Variants in SMAP1 observed in about 807,000 individuals in gnomAD.
SMAP1 encodes stromal membrane-associated protein 1.
A neutral mutation model predicts 58.5 loss-of-function variants in SMAP1; 24 were observed. The observed-to-expected ratio is 0.41, with a 90% CI of 0.30 to 0.58. The LOEUF (loss-of-function observed/expected upper bound fraction) is 0.58. Among genes scored for constraint, SMAP1 ranks in the 20% least tolerant of loss-of-function variants. SMAP1 has a pLI of 0.29. For synonymous variants in SMAP1, 216 were observed against 196.6 expected (o/e 1.10, Z -0.82); for missense variants, 563 against 566.3 (o/e 0.99, Z 0.06).
intron 1 of SMAP1, among the ~76,000 whole-genome samples, chr6:70,697,728 C>T (rs576357526): frequency 2.0e-4 from 30 of 152,210 alleles, no homozygotes; most frequent in Admixed American, 1.4e-3. Flanking sequence ...TTGCAAATAA[C>T]GTAATCCATT....
At chr6:70,854,988 G>C (rs918355047) in intron 8 of SMAP1, among the ~76,000 whole-genome samples, 1 of 151,854 alleles carries the variant, frequency 6.6e-6, no homozygotes, top group Non-Finnish European at 1.5e-5. Context: ...TGTTTTGGGG[G>C]CTGGAGAGGA....
chr6:70,784,105 C>A (rs990968036), intron 4 of SMAP1, among the ~76,000 whole-genome samples: 6 of 152,152 alleles, frequency 3.9e-5, no homozygotes, highest in African/African-American at 1.4e-4. Context: ...GCTGACCTCT[C>A]GGCAGAAACT....
chr6:70,860,635 C>G lies in SMAP1; in HGVS notation c.*301C>G, dbSNP rs769589711. Reference sequence around the variant, plus strand: ...TTTTCCTCTCAATAAAATTATAGCTCTAATGTTTGCATATAAGGGAAGTAG... The same window carrying G: ...TTTTCCTCTCAATAAAATTATAGCTGTAATGTTTGCATATAAGGGAAGTAG... On this transcript the variant is annotated 3_prime_UTR_variant, in exon 11 of 11. Transcript: ENST00000370455. 2.7e-4 allele frequency: 114 copies of G among 426,118 alleles called. No individual in the cohort carries two copies. The highest frequency in any genetic ancestry group is 1.5e-4 in the Non-Finnish European group (36 of 242,096). 26.4% of individuals were successfully genotyped at this position (426,118 alleles called of 1,614,324 possible).
chr6:70,756,964 A>G (rs537408170), intron 3 of SMAP1, among the ~76,000 whole-genome samples: 62 of 152,228 alleles, frequency 4.1e-4, no homozygotes, highest in South Asian at 6.2e-4. Flanking sequence ...TACAGATTCA[A>G]TGCCATCCCC....
chr6:70,770,412 A>G (rs1288711209), intron 3 of SMAP1, among the ~76,000 whole-genome samples: 2 of 152,124 alleles, frequency 1.3e-5, no homozygotes, highest in African/African-American at 2.4e-5. Context: ...TCGTCTTTTC[A>G]CATAGTCCCA....
At chr6:70,783,698 A>G (rs529887896) in intron 4 of SMAP1, among the ~76,000 whole-genome samples, 69 of 152,318 alleles carry the variant, frequency 4.5e-4, no homozygotes, top group Admixed American at 1.6e-3. Context: ...AAGAAAGGGT[A>G]TCAGTGATGG....
At chr6:70,853,332 A>G (rs747305111) in intron 8 of SMAP1, among the ~76,000 whole-genome samples, 5 of 152,152 alleles carry the variant, frequency 3.3e-5, no homozygotes, top group Non-Finnish European at 7.4e-5. Context: ...TGTAATGTGA[A>G]CTGTATGAAC....
intron 3 of SMAP1, among the ~76,000 whole-genome samples, chr6:70,765,651 C>T (rs1400183590): frequency 6.6e-6 from 1 of 151,956 alleles, no homozygotes; most frequent in Admixed American, 6.5e-5. Context: ...CTTACCACAT[C>T]ATTTATTTAT....
intron 4 of SMAP1, among the ~76,000 whole-genome samples, chr6:70,784,129 G>C (rs1280749395): frequency 6.6e-6 from 1 of 152,224 alleles, no homozygotes; most frequent in Admixed American, 6.5e-5. Flanking sequence ...CAAGCCAGAA[G>C]AGAGTGGGGG....
At chr6:70,725,937 G>A (rs1220923390) in intron 1 of SMAP1, among the ~76,000 whole-genome samples, 2 of 152,132 alleles carry the variant, frequency 1.3e-5, no homozygotes, top group African/African-American at 4.8e-5. Flanking sequence ...TTAGCATTTC[G>A]AAAAGCTGAC....
intron 2 of SMAP1, among the ~76,000 whole-genome samples, chr6:70,746,383 G>GC (rs536211272): frequency 6.6e-6 from 1 of 152,128 alleles, no homozygotes; most frequent in African/African-American, 2.4e-5. Context: ...TTAGCATGAA[G>GC]GCTGTTGAAT....
At chr6:70,729,541 G>T (rs1270005851) in intron 1 of SMAP1, among the ~76,000 whole-genome samples, 3 of 147,412 alleles carry the variant, frequency 2.0e-5, no homozygotes, top group Non-Finnish European at 4.5e-5. Context: ...ATTCTAAATC[G>T]CCTGCCAGAC....
chr6:70,668,508 C>T (rs190827224), intron 1 of SMAP1: 23 of 1,481,752 alleles, frequency 1.6e-5, no homozygotes, highest in Admixed American at 7.2e-5. Flanking sequence ...AGAGAGTTGC[C>T]CTCCTAGCTC....
chr6:70,689,418 A>G (rs764240254), intron 1 of SMAP1, among the ~76,000 whole-genome samples: 2 of 152,200 alleles, frequency 1.3e-5, no homozygotes, highest in African/African-American at 2.4e-5. Context: ...ATTATGTTCC[A>G]TTGATCTGTT....
chr6:70,680,124 C>G (rs1310179112), intron 1 of SMAP1, among the ~76,000 whole-genome samples: 1 of 151,956 alleles, frequency 6.6e-6, no homozygotes, highest in Admixed American at 6.6e-5. Flanking sequence ...ACAACAACAA[C>G]AACAACAACA....
intron 1 of SMAP1, among the ~76,000 whole-genome samples, chr6:70,713,953 A>G (rs1768161432): frequency 1.3e-5 from 2 of 152,004 alleles, no homozygotes; most frequent in Admixed American, 1.3e-4. Context: ...TACAATTGTT[A>G]TATCTTCTTG....
chr6:70,796,610 G>A (rs530777033), intron 5 of SMAP1, among the ~76,000 whole-genome samples: 8 of 152,226 alleles, frequency 5.3e-5, no homozygotes, highest in African/African-American at 1.7e-4. Context: ...ATCCTTAAAG[G>A]GTTACATCTT....
At chr6:70,808,912 G>GTA (rs1769266034) in intron 6 of SMAP1, among the ~76,000 whole-genome samples, 1 of 148,518 alleles carries the variant, frequency 6.7e-6, no homozygotes, top group South Asian at 2.1e-4. Flanking sequence ...CTGTGTGTGT[G>GTA]TGTGTGTGTG....
At chr6:70,724,502 G>A (rs1221438887) in intron 1 of SMAP1, among the ~76,000 whole-genome samples, 1 of 152,132 alleles carries the variant, frequency 6.6e-6, no homozygotes, top group African/African-American at 2.4e-5. Flanking sequence ...GGTCAAGATA[G>A]GAAATGTTCT....
Sources: gnomAD v4.1 joint callset for allele counts (sites outside exome capture counted in the v4.1 genomes callset) on GRCh38, gnomAD v4.1.1 for gene constraint, MANE v1.5 for transcripts, NCBI Gene and HGNC (gene_info 2026-07-23, HGNC 2026-07-21) for gene names.